Variants in FGF13 observed in about 807,000 individuals in gnomAD.
The protein encoded by FGF13 is fibroblast growth factor homologous factor 2.
A neutral mutation model predicts 19.5 loss-of-function variants in FGF13; 2 were observed. That is an observed-to-expected ratio of 0.10 (90% CI 0.04 to 0.32). The LOEUF (loss-of-function observed/expected upper bound fraction) is 0.32. FGF13 is among the 10% of genes least tolerant of loss of function. The pLI is 1.00. For synonymous variants in FGF13, 72 were observed against 76.9 expected (o/e 0.94, Z 0.33); for missense variants, 113 against 192.7 (o/e 0.59, Z 2.45).
At chrX:138,659,606 C>T (rs1197318439) in intron 3 of FGF13, among the ~76,000 whole-genome samples, 1 of 111,773 alleles carries the variant, frequency 8.9e-6, no homozygotes, top group Non-Finnish European at 1.9e-5. Flanking sequence ...GACACATGCA[C>T]ATGTATGTTT....
At chrX:138,827,637 T>C (rs1359543140) in intron 3 of FGF13, among the ~76,000 whole-genome samples, 1 of 111,372 alleles carries the variant, frequency 9.0e-6, no homozygotes, top group African/African-American at 3.3e-5. Context: ...AGAAGCAAAG[T>C]ATAAGATAGG....
intron 3 of FGF13, among the ~76,000 whole-genome samples, chrX:138,763,755 T>G (rs1181976774): frequency 9.0e-6 from 1 of 111,647 alleles, no homozygotes. Context: ...TTTCTCCACA[T>G]GGTATGTTGC....
At chrX:138,886,752 G>A (rs1438433177) in intron 1 of FGF13, among the ~76,000 whole-genome samples, 1 of 111,794 alleles carries the variant, frequency 8.9e-6, no homozygotes, top group Non-Finnish European at 1.9e-5. Flanking sequence ...GCAAGTATAA[G>A]CGTTGTGTTT....
chrX:139,008,776 T>C (rs906565516), intron 1 of FGF13, among the ~76,000 whole-genome samples: 1 of 111,672 alleles, frequency 9.0e-6, no homozygotes, highest in African/African-American at 3.3e-5. Context: ...ATTCTGGTAA[T>C]ATGACAAAAC....
At chrX:138,685,231 C>T (rs898536523) in intron 3 of FGF13, among the ~76,000 whole-genome samples, 1 of 110,890 alleles carries the variant, frequency 9.0e-6, no homozygotes, top group African/African-American at 3.3e-5. Context: ...CTAAGACTTC[C>T]GGAATCTATA....
intron 1 of FGF13, among the ~76,000 whole-genome samples, chrX:139,109,572 A>G (rs1431485432): frequency 8.1e-5 from 9 of 111,565 alleles, no homozygotes; most frequent in Non-Finnish European, 1.7e-4. Flanking sequence ...ACGATTTGGC[A>G]TTTGAGCTCA....
At chrX:138,662,470 C>T (rs1308370906) in intron 3 of FGF13, among the ~76,000 whole-genome samples, 1 of 111,492 alleles carries the variant, frequency 9.0e-6, no homozygotes, top group Admixed American at 9.6e-5. Context: ...GCTTACTAAA[C>T]AATGCTTTCT....
chrX:138,985,983 A>G (rs761069390), intron 1 of FGF13, among the ~76,000 whole-genome samples: 8 of 111,847 alleles, frequency 7.2e-5, no homozygotes, highest in Non-Finnish European at 1.5e-4. Context: ...AGCAAACAGC[A>G]CACTGTTTAT....
Position 139,185,366 on chromosome X carries a change from T to C in FGF13, c.-113+18050A>G, listed in dbSNP as rs184831118. 1.8e-4 allele frequency among the ~76,000 whole-genome samples: 20 copies of C among 112,137 alleles called. No individual in the cohort carries two copies. In the East Asian group the frequency reaches 5.6e-3, roughly 31 times the overall value. On this transcript the variant is annotated intron_variant, in intron 1 of 2. Transcript: ENST00000421460. ...AGAAAACACCTATACCCCATGCAAT[T>C]ATTGCAAATCTCTGTGCCTTTGAAA...
intron 1 of FGF13, among the ~76,000 whole-genome samples, chrX:139,037,750 C>G (rs781316085): frequency 1.3e-4 from 15 of 112,373 alleles, no homozygotes; most frequent in South Asian, 3.7e-4. Context: ...CTCCCCATCT[C>G]AAAATCCTTA....
chrX:138,994,890 G>A (rs1242213264), intron 1 of FGF13, among the ~76,000 whole-genome samples: 1 of 108,797 alleles, frequency 9.2e-6, no homozygotes, highest in East Asian at 2.9e-4. Flanking sequence ...TTTAACAACT[G>A]CATTCAGAGA....
chrX:139,152,328 A>G (rs1433384120), intron 1 of FGF13, among the ~76,000 whole-genome samples: 1 of 99,976 alleles, frequency 1.0e-5, no homozygotes, highest in East Asian at 2.9e-4. Context: ...AAAAAAAACA[A>G]AAAAAAAAAC....
intron 1 of FGF13, among the ~76,000 whole-genome samples, chrX:139,118,330 G>T (rs537419004): frequency 8.9e-6 from 1 of 111,976 alleles, no homozygotes; most frequent in South Asian, 3.7e-4. Context: ...GGTTTATGCA[G>T]ACGTAACCTC....
chrX:139,072,335 C>A (rs1424590177), intron 1 of FGF13, among the ~76,000 whole-genome samples: 2 of 109,468 alleles, frequency 1.8e-5, no homozygotes, highest in Non-Finnish European at 3.8e-5. Context: ...GAAGACACAG[C>A]AATAGGAAGC....
At chrX:139,120,210 T>C (rs934806306) in intron 1 of FGF13, among the ~76,000 whole-genome samples, 1 of 112,542 alleles carries the variant, frequency 8.9e-6, no homozygotes, top group Non-Finnish European at 1.9e-5. Context: ...TTAAACTTCT[T>C]TCCTTTGTAA....
rs1471067631 is a variant in FGF13 at position 138,736,550 on chromosome X, T to A, written c.28+2692A>T. Among the ~76,000 whole-genome samples the A allele has an allele frequency of 2.7e-5, 3 of 110,493 alleles. No homozygotes were observed. In the Admixed American group the frequency reaches 2.9e-4, roughly 11 times the overall value. Reference sequence around the variant, plus strand: ...CTTTGAGGCACTGCCCAGGTGATAATGGACTCAATGTTTGGAATGAGTGAT... The same window carrying A: ...CTTTGAGGCACTGCCCAGGTGATAAAGGACTCAATGTTTGGAATGAGTGAT... On this transcript the variant is annotated intron_variant, in intron 1 of 4. Coordinates refer to the FGF13 transcript ENST00000305414.
intron 1 of FGF13, among the ~76,000 whole-genome samples, chrX:138,915,671 C>T (rs750965398): frequency 9.9e-5 from 11 of 111,548 alleles, no homozygotes; most frequent in Non-Finnish European, 1.7e-4. Context: ...TTCAGGCTGA[C>T]GGGTCCATGG....
At chrX:138,752,644 T>C (rs2090406164) in intron 3 of FGF13, among the ~76,000 whole-genome samples, 1 of 111,491 alleles carries the variant, frequency 9.0e-6, no homozygotes, top group African/African-American at 3.3e-5. Context: ...AGTCTAGTGA[T>C]AGTGGGAAAC....
At chrX:139,051,756 T>G (rs62602239) in intron 1 of FGF13, among the ~76,000 whole-genome samples, 15,906 of 112,122 alleles carry the variant, frequency 0.14, 911 homozygotes, top group African/African-American at 0.21. Flanking sequence ...GTGCAGTTTC[T>G]CTTGTCCTAT....
Sources: gnomAD v4.1 joint callset for allele counts (sites outside exome capture counted in the v4.1 genomes callset) on GRCh38, gnomAD v4.1.1 for gene constraint, MANE v1.5 for transcripts, NCBI Gene and HGNC (gene_info 2026-07-23, HGNC 2026-07-21) for gene names.